Variants in FMN2 observed in about 807,000 individuals in gnomAD.
FMN2 encodes the protein formin-2.
A neutral mutation model predicts 142.3 loss-of-function variants in FMN2; 51 were observed. The observed-to-expected ratio is 0.36, with a 90% CI of 0.29 to 0.45. The LOEUF is 0.45. Among genes scored for constraint, FMN2 ranks in the 20% least tolerant of loss-of-function variants. The pLI is 1.00. For synonymous variants in FMN2, 882 were observed against 869.8 expected (o/e 1.01, Z -0.25); for missense variants, 1,936 against 2,122.8 (o/e 0.91, Z 1.73).
intron 15 of FMN2, among the ~76,000 whole-genome samples, chr1:240,402,665 C>A (rs2103112851): frequency 6.6e-6 from 1 of 152,298 alleles, no homozygotes. Context: ...GCATACACGG[C>A]TTTCTTCAAT....
In FMN2 at chr1:240,301,380, AT is replaced by A. The variant is rs558520609; in HGVS notation, c.4215+6502del. Among the ~76,000 whole-genome samples the A allele has an allele frequency of 2.4e-3, 371 of 151,900 alleles. 1 individual carries two copies. Among genetic ancestry groups the A allele is most frequent in the African/African-American group, 8.6e-3 (359 of 41,530 alleles). On this transcript the variant is annotated intron_variant, in intron 8 of 17. Coordinates refer to ENST00000319653, the MANE Select transcript of FMN2 (RefSeq NM_020066.5). Reference sequence around the variant, plus strand: ...GTGAGTAGCATCTGTATGTGATTGTATTTTTAAATAATTAAACATATTTAAA... The same window carrying A: ...GTGAGTAGCATCTGTATGTGATTGTATTTTAAATAATTAAACATATTTAAA...
At chr1:240,276,552 T>C (rs1669220393) in intron 7 of FMN2, among the ~76,000 whole-genome samples, 1 of 152,162 alleles carries the variant, frequency 6.6e-6, no homozygotes, top group Non-Finnish European at 1.5e-5. Context: ...TGTGAACACT[T>C]AGTTGCACCA....
In FMN2 at chr1:240,334,093, G is replaced by A. The variant is rs894511087; in HGVS notation, c.4645-16G>A. 1 of 1,581,842 alleles carries A rather than the reference G, an allele frequency of 6.3e-7. No individual in the cohort carries two copies. Among genetic ancestry groups the A allele is most frequent in the Non-Finnish European group, 8.5e-7 (1 of 1,171,080 alleles). On this transcript the variant is annotated splice_polypyrimidine_tract_variant and intron_variant, in intron 12 of 17. Transcript: ENST00000319653. The stretch of plus-strand genomic sequence containing the variant: ...AACCAATTTCTTTAAATATGATGGG[G>A]TTTTTTGTTCATTAGGATGCTGGAA...
chr1:240,399,813 G>A (rs1673911018), intron 15 of FMN2, among the ~76,000 whole-genome samples: 1 of 152,068 alleles, frequency 6.6e-6, no homozygotes, highest in Non-Finnish European at 1.5e-5. Context: ...CACCAGGAGG[G>A]AGAATACATG....
At chr1:240,379,950 A>G (rs1004832936) in intron 14 of FMN2, among the ~76,000 whole-genome samples, 15 of 152,152 alleles carry the variant, frequency 9.9e-5, no homozygotes, top group African/African-American at 3.4e-4. Flanking sequence ...CAAAATATAT[A>G]TGCACCCAAT....
intron 15 of FMN2, among the ~76,000 whole-genome samples, chr1:240,425,817 G>T (rs1414657): frequency 6.6e-6 from 1 of 151,898 alleles, no homozygotes; most frequent in African/African-American, 2.4e-5. Context: ...GACCCATTAG[G>T]AATGTTTTTC....
intron 7 of FMN2, among the ~76,000 whole-genome samples, chr1:240,292,667 C>T (rs781212151): frequency 5.9e-5 from 9 of 152,176 alleles, no homozygotes; most frequent in African/African-American, 2.2e-4. Flanking sequence ...TGCTACTAAA[C>T]GTCTAGTAAC....
intron 11 of FMN2, among the ~76,000 whole-genome samples, chr1:240,330,953 T>TAA (rs1671353762): frequency 6.6e-6 from 1 of 152,208 alleles, no homozygotes; most frequent in Non-Finnish European, 1.5e-5. Flanking sequence ...ATTTTCATTC[T>TAA]TATGTCTAAT....
At chr1:240,102,909 G>A (rs1381750096) in intron 1 of FMN2, among the ~76,000 whole-genome samples, 5 of 150,270 alleles carry the variant, frequency 3.3e-5, no homozygotes, top group Admixed American at 3.3e-4. Context: ...CTGTCACCCA[G>A]GCTGGAATAC....
At chr1:240,382,779 G>A (rs1673274944) in intron 14 of FMN2, among the ~76,000 whole-genome samples, 1 of 151,780 alleles carries the variant, frequency 6.6e-6, no homozygotes, top group South Asian at 2.1e-4. Flanking sequence ...AATTCATATG[G>A]AGCCAAAACT....
intron 15 of FMN2, among the ~76,000 whole-genome samples, chr1:240,432,257 T>A (rs1249897394): frequency 5.3e-5 from 8 of 152,010 alleles, no homozygotes; most frequent in Non-Finnish European, 1.2e-4. Flanking sequence ...GTAATTTGCT[T>A]ATTTCACTTA....
At position 240,212,711 on chromosome 1, in the gene FMN2, A is replaced by G. The variant is rs539355342; in HGVS notation, c.4065+1476A>G. Among the ~76,000 whole-genome samples, 159 of 152,338 alleles carry G rather than the reference A, an allele frequency of 1.0e-3. 1 individual carries two copies. Among genetic ancestry groups the G allele is most frequent in the Non-Finnish European group, 1.9e-3 (131 of 68,036 alleles). On this transcript the variant is annotated intron_variant, in intron 6 of 17. Coordinates refer to ENST00000319653, the MANE Select transcript of FMN2 (RefSeq NM_020066.5). The stretch of plus-strand genomic sequence containing the variant: ...AAAAATCCTTGGTATATTTGCATAT[A>G]GTACACTGAGGCTGAATCATCGTAT...
intron 13 of FMN2, among the ~76,000 whole-genome samples, chr1:240,335,257 G>GTACC: frequency 6.6e-6 from 1 of 152,316 alleles, no homozygotes; most frequent in African/African-American, 2.4e-5. Flanking sequence ...GAAGAGGGCT[G>GTACC]AAATTCTGTC....
intron 8 of FMN2, among the ~76,000 whole-genome samples, chr1:240,320,683 G>A (rs1670942258): frequency 6.6e-6 from 1 of 152,130 alleles, no homozygotes; most frequent in Non-Finnish European, 1.5e-5. Flanking sequence ...GGGTGGTTGA[G>A]AATTTAATGA....
intron 8 of FMN2, among the ~76,000 whole-genome samples, chr1:240,300,020 G>A (rs150009494): frequency 2.2e-4 from 34 of 152,312 alleles, no homozygotes; most frequent in African/African-American, 6.5e-4. Context: ...TTACAGCTAT[G>A]TAATAGCTAG....
intron 1 of FMN2, among the ~76,000 whole-genome samples, chr1:240,097,864 G>A (rs1019902444): frequency 1.3e-5 from 2 of 151,800 alleles, no homozygotes; most frequent in Non-Finnish European, 2.9e-5. Flanking sequence ...CTCATTTTTC[G>A]AATGAAAAAA....
At chr1:240,328,498 A>C (rs1671270166) in intron 8 of FMN2, among the ~76,000 whole-genome samples, 1 of 151,970 alleles carries the variant, frequency 6.6e-6, no homozygotes, top group Non-Finnish European at 1.5e-5. Flanking sequence ...ACTAATGGTC[A>C]ATAACATTAT....
rs1671328667 is a variant in FMN2 at position 240,330,117 on chromosome 1, A to T, written c.4438-486A>T. On this transcript the variant is annotated intron_variant, in intron 10 of 17. Transcript: ENST00000319653. ...CAGTGTTTTGAAAGAAATGAGTGTGAGCTCTTTGGGGGTAAACCTAAATTT... is the reference window on the plus strand; with the variant it reads ...CAGTGTTTTGAAAGAAATGAGTGTGTGCTCTTTGGGGGTAAACCTAAATTT... Among the ~76,000 whole-genome samples, 3 of 152,208 alleles carry T rather than the reference A, an allele frequency of 2.0e-5. No homozygotes were observed. In the South Asian group the frequency reaches 6.2e-4, roughly 32 times the overall value.
Position 240,093,069 on chromosome 1 carries a change from C to T in FMN2, c.960C>T (p.Ser320=). The T allele has an allele frequency of 3.6e-6, 5 of 1,396,432 alleles. No individual in the cohort carries two copies. The highest frequency in any genetic ancestry group is 4.6e-6 in the Non-Finnish European group (5 of 1,085,086). 86.5% of individuals were successfully genotyped at this position (1,396,432 alleles called of 1,614,324 possible). The change falls in exon 1 of 18, where the codon TCC becomes TCT. Residue 320 remains serine, a synonymous_variant. Coordinates refer to ENST00000319653, the MANE Select transcript of FMN2 (RefSeq NM_020066.5). ...CCGCGGCCAAAGACTCGCCCTCCTC[C>T]ACGGCTTTCCCATTTCCCGAGGCCG... ...AQPAAKDSPS[S]TAFPFPEAGP...
Sources: gnomAD v4.1 joint callset for allele counts (sites outside exome capture counted in the v4.1 genomes callset) on GRCh38, gnomAD v4.1.1 for gene constraint, MANE v1.5 for transcripts, NCBI Gene and HGNC (gene_info 2026-07-23, HGNC 2026-07-21) for gene names.